Variants in PLPP2 observed in about 807,000 individuals in gnomAD.
PLPP2 encodes the protein PAP2-gamma.
Under a neutral mutation model 35.2 loss-of-function variants are expected in PLPP2, and 29 were observed. That is an observed-to-expected ratio of 0.82 (90% CI 0.61 to 1.12). The LOEUF is 1.12. Ranked by LOEUF, PLPP2 falls within the 50% of genes most tolerant of loss-of-function variation. The pLI is 0.00. For missense variants in PLPP2, 353 were observed against 375.2 expected, an observed-to-expected ratio of 0.94 and a Z score of 0.49; for synonymous variants, 162 against 167.0, an observed-to-expected ratio of 0.97 and a Z score of 0.23.
Position 287,533 on chromosome 19 carries a change from C to G in PLPP2, c.423G>C (p.Ser141=), listed in dbSNP as rs768710369. The G allele has an allele frequency of 6.2e-7, 1 of 1,613,694 alleles. No homozygotes were observed. The highest frequency in any genetic ancestry group is 8.5e-7 in the Non-Finnish European group (1 of 1,180,032). The change falls in exon 3 of 6, where the codon TCG becomes TCC. Residue 141 remains serine, a synonymous_variant. Coordinates refer to ENST00000434325, the MANE Select transcript of PLPP2 (RefSeq NM_003712.4). This position sits in a 1 kb window ranked among gnomAD's most constrained non-coding sequence, Gnocchi z 4.3. ...ACACCTTCTCCAGCTGCACATAGAC[C>G]GAGCAGTTGACCCGGCTCCAGTCGG... ...CDPDWSRVNC[S]VYVQLEKVCR...
In PLPP2 at chr19:281,325, G is replaced by A. The variant is rs112894804; in HGVS notation, c.*63C>T. The A allele has an allele frequency of 1.5e-6, 2 of 1,328,736 alleles. No individual in the cohort carries two copies. The highest frequency in any genetic ancestry group is 2.4e-5 in the South Asian group (1 of 41,016). 82.3% of individuals were successfully genotyped at this position (1,328,736 alleles called of 1,614,324 possible). A position where few individuals can be genotyped will look rare whatever the true frequency, so the allele number is the denominator to read the frequency against. On this transcript the variant is annotated 3_prime_UTR_variant, in exon 6 of 6. Coordinates refer to ENST00000434325, the MANE Select transcript of PLPP2 (RefSeq NM_003712.4). ...CCCTCAGTGCCTAACCAGGGCTGGA[G>A]GGACCACCTGGGTGGGCCTCAGCTG...
chr19:291,379 C>A lies in PLPP2; in HGVS notation c.-43G>T. ...ACGCCGGTCCCAGCGCGTCCCGTCG[C>A]GTCCCGGCCCGGCCGCGGAGTCACG... On this transcript the variant is annotated 5_prime_UTR_variant, in exon 1 of 6. Transcript: ENST00000434325. The A allele has an allele frequency of 6.4e-7, 1 of 1,554,442 alleles. No individual in the cohort carries two copies.
At chr19:291,183 G>A (rs950289902) in intron 1 of PLPP2, 102 bp downstream of exon 1, 1 of 1,555,150 alleles carries the variant, frequency 6.4e-7, no homozygotes, top group Non-Finnish European at 8.7e-7. Context: ...TCGGAGGGAC[G>A]AGGGCGCGCA....
chr19:286,327 G>A (rs1970271341), intron 3 of PLPP2: 1 of 151,768 alleles, frequency 6.6e-6, no homozygotes, highest in African/African-American at 2.4e-5. Flanking sequence ...TTAAAAACCA[G>A]CTGGATTTGG....
Position 287,977 on chromosome 19 carries a change from C to T in PLPP2, c.204+43G>A. 6.2e-7 allele frequency: 1 copy of T among 1,600,596 alleles called. No homozygotes were observed. On this transcript the variant is annotated intron_variant, in intron 2 of 5. Coordinates refer to ENST00000434325, the MANE Select transcript of PLPP2 (RefSeq NM_003712.4). The surrounding 1 kb of genome is among the most constrained non-coding windows in gnomAD (Gnocchi z 4.3). ...GGCCCCCAGGGTAAAGCTGGCCCCA[C>T]CCCATCCCCCTACCCAGTCCCTCTG...
At position 291,337 on chromosome 19, in the gene PLPP2, G is replaced by A. The variant is rs1427343794; in HGVS notation, c.-1C>T. 1.9e-6 allele frequency: 3 copies of A among 1,590,598 alleles called. No individual in the cohort carries two copies. Among genetic ancestry groups the A allele is most frequent in the Non-Finnish European group, 2.6e-6 (3 of 1,170,846 alleles). ...GCACGAAGACCCACCTCCGCTGCATGGTCCCCGCGACCCCCGACGCCGGTC... is the reference window on the plus strand; with the variant it reads ...GCACGAAGACCCACCTCCGCTGCATAGTCCCCGCGACCCCCGACGCCGGTC... On this transcript the variant is annotated 5_prime_UTR_variant, in exon 1 of 6. Coordinates refer to ENST00000434325, the MANE Select transcript of PLPP2 (RefSeq NM_003712.4).
Position 291,330 on chromosome 19 carries a change from G to A in PLPP2, c.7C>T (p.Arg3Trp), listed in dbSNP as rs1469065326. MQ[R>W]RWVFVLLDVL... is the part of the protein sequence containing the mutation. ...TCGAGCAGCACGAAGACCCACCTCC[G>A]CTGCATGGTCCCCGCGACCCCCGAC... Residue 3 changes from arginine to tryptophan, a missense_variant, in exon 1 of 6, where the codon CGG becomes TGG. Arg to Trp is a moderately radical substitution (Grantham distance 101). Transcript: ENST00000434325. 3 of 1,592,524 alleles carry A rather than the reference G, an allele frequency of 1.9e-6. No individual in the cohort carries two copies. The highest frequency in any genetic ancestry group is 2.3e-5 in the East Asian group (1 of 43,062).
chr19:288,290 A>C, intron 1 of PLPP2, 119 bp from the exon 2 acceptor site: 1 of 1,095,400 alleles, frequency 9.1e-7, no homozygotes, highest in Non-Finnish European at 1.3e-6. Flanking sequence ...ACAGCAAGGA[A>C]GAGCTTTTTT....
intron 3 of PLPP2, chr19:283,012 G>A: frequency 1.7e-6 from 1 of 586,378 alleles, no homozygotes; most frequent in South Asian, 2.1e-5. Context: ...TGTGGCATGA[G>A]ATGCCTCATC....
rs555471469 is a variant in PLPP2, at chr19:288,137, G to A, written c.87C>T (p.Asn29=). ...SLPFAILTLV[N]APYKRGFYCG... is the part of the protein sequence containing the mutation. ...AGTAAAATCCTCGCTTGTACGGGGC[G>A]TTCACCAGCGTCAGGATAGCGAAGG... is the stretch of plus-strand genomic sequence containing the variant. The change falls in exon 2 of 6, where the codon AAC becomes AAT. Residue 29 remains asparagine (N), a synonymous_variant. Transcript: ENST00000434325. 81 of 1,605,264 alleles carry A rather than the reference G, an allele frequency of 5.0e-5. No individual in the cohort carries two copies. In the East Asian group the frequency reaches 6.3e-4, roughly 12 times the overall value.
At chr19:290,697 CG>C (rs1442872455) in intron 1 of PLPP2, among the ~76,000 whole-genome samples, 1 of 152,222 alleles carries the variant, frequency 6.6e-6, no homozygotes, top group African/African-American at 2.4e-5. Flanking sequence ...CCTGGCCTCC[CG>C]GCCCCCCGCC....
At chr19:282,717 C>G in intron 4 of PLPP2, 35 bp downstream of exon 4, 2 of 1,589,986 alleles carry the variant, frequency 1.3e-6, no homozygotes, top group African/African-American at 1.3e-5. Flanking sequence ...AGCCATGGTT[C>G]CCCCGAAAAG....
Position 287,848 on chromosome 19 carries a change from G to A in PLPP2, c.205-97C>T. 2.0e-6 allele frequency: 3 copies of A among 1,534,410 alleles called. No individual in the cohort carries two copies. Among genetic ancestry groups the A allele is most frequent in the Middle Eastern group, 1.9e-4 (1 of 5,268 alleles). ...TCCCCAAGGCTGCTGGAGAGCTGGGGACTCTGAAGGGGGCCCTATTACCCA... is the reference window on the plus strand; with the variant it reads ...TCCCCAAGGCTGCTGGAGAGCTGGGAACTCTGAAGGGGGCCCTATTACCCA... On this transcript the variant is annotated intron_variant, in intron 2 of 5. Coordinates refer to ENST00000434325, the MANE Select transcript of PLPP2 (RefSeq NM_003712.4). The surrounding 1 kb of genome is among the most constrained non-coding windows in gnomAD (Gnocchi z 4.3).
intron 1 of PLPP2, 45 bp downstream of exon 1, chr19:291,240 G>A: frequency 6.3e-7 from 1 of 1,597,158 alleles, no homozygotes; most frequent in Non-Finnish European, 8.5e-7. Flanking sequence ...GGGCGTGTCC[G>A]TCCCGGGAGG....
chr19:288,174 G>C lies in PLPP2; in HGVS notation c.53-3C>G. On this transcript the variant is annotated splice_region_variant and splice_polypyrimidine_tract_variant and intron_variant, in intron 1 of 5. Coordinates refer to ENST00000434325, the MANE Select transcript of PLPP2 (RefSeq NM_003712.4). ...CAGGATAGCGAAGGGCAGGGAGGCT[G>C]GTGGGGAAGAAAAGCCTGGGAGCTG... The C allele has an allele frequency of 6.4e-7, 1 of 1,568,872 alleles. No individual in the cohort carries two copies. Among genetic ancestry groups the C allele is most frequent in the Non-Finnish European group, 8.7e-7 (1 of 1,153,030 alleles).
chr19:285,890 G>C (rs1305548652), intron 3 of PLPP2: 1 of 151,892 alleles, frequency 6.6e-6, no homozygotes, highest in African/African-American at 2.4e-5. Context: ...CTTGAACCCA[G>C]GAGGCAGAGG....
chr19:289,522 T>C (rs1003685450), intron 1 of PLPP2, among the ~76,000 whole-genome samples: 1 of 151,974 alleles, frequency 6.6e-6, no homozygotes, highest in Admixed American at 6.6e-5. Flanking sequence ...GAGACCATCC[T>C]GGCTAACACG....
chr19:282,780 A>C lies in PLPP2; in HGVS notation c.512T>G (p.Phe171Cys). Residue 171 changes from phenylalanine (F) to cysteine (C), a missense_variant, in exon 4 of 6, where the codon TTT becomes TGT. Physicochemically the swap from Phe to Cys is radical, Grantham distance 205. Coordinates refer to ENST00000434325, the MANE Select transcript of PLPP2 (RefSeq NM_003712.4). ...CAAGAACACCATGCAGTACATCCCAAAGGAAGAGTGTCCCGAGTAGAAAGA... is the reference window on the plus strand; with the variant it reads ...CAAGAACACCATGCAGTACATCCCACAGGAAGAGTGTCCCGAGTAGAAAGA... ...RLSFYSGHSS[F>C]GMYCMVFLAL... is the part of the protein sequence containing the mutation. 1 of 1,613,664 alleles carries C rather than the reference A, an allele frequency of 6.2e-7. No homozygotes were observed. Among genetic ancestry groups the C allele is most frequent in the Non-Finnish European group, 8.5e-7 (1 of 1,179,802 alleles).
At chr19:291,229 G>C in intron 1 of PLPP2, 56 bp downstream of exon 1, 1 of 1,594,976 alleles carries the variant, frequency 6.3e-7, no homozygotes, top group South Asian at 1.1e-5. Context: ...CGCGCAGCCG[G>C]GGGCGTGTCC....
Sources: allele counts gnomAD v4.1 joint callset (sites outside exome capture counted in the v4.1 genomes callset), GRCh38; gene constraint gnomAD v4.1.1; non-coding constraint Gnocchi (gnomAD v3.1); transcripts MANE v1.5; gene names NCBI Gene and HGNC (gene_info 2026-07-23, HGNC 2026-07-21).